The following ADGRL2 variants were observed in gnomAD, a reference collection of about 807,000 sequenced individuals.
The protein encoded by ADGRL2 is calcium-independent alpha-latrotoxin receptor 2.
In ADGRL2, 44 loss-of-function variants were observed where a neutral mutation model predicts 157.4. The ratio of observed to expected loss-of-function variants is 0.28; its 90% CI spans 0.22 to 0.36. The LOEUF (loss-of-function observed/expected upper bound fraction) is 0.36, where lower values mean the gene tolerates loss of function less well. ADGRL2 is among the 10% of genes least tolerant of loss of function. ADGRL2 has a pLI of 1.00. For missense variants in ADGRL2, 1,510 were observed against 1,768.9 expected, an observed-to-expected ratio of 0.85 and a Z score of 2.63; for synonymous variants, 585 against 624.7, an observed-to-expected ratio of 0.94 and a Z score of 0.95.
At chr1:81,690,782 G>A (rs960031079) in intron 3 of ADGRL2, among the ~76,000 whole-genome samples, 1 of 152,100 alleles carries the variant, frequency 6.6e-6, no homozygotes, top group Non-Finnish European at 1.5e-5. Context: ...AAGTTATAGA[G>A]TAAAATGTCA....
intron 2 of ADGRL2, among the ~76,000 whole-genome samples, chr1:81,765,463 AACAG>A (rs1227184308): frequency 6.6e-6 from 1 of 152,044 alleles, no homozygotes; most frequent in African/African-American, 2.4e-5. Flanking sequence ...AATTTAACCA[AACAG>A]ACAAAGTTCT....
At chr1:81,785,113 T>C (rs1026573026) in intron 2 of ADGRL2, among the ~76,000 whole-genome samples, 4 of 152,182 alleles carry the variant, frequency 2.6e-5, no homozygotes, top group African/African-American at 9.7e-5. Flanking sequence ...GTACAGGGAA[T>C]TATTTGTGAT....
At chr1:81,860,118 G>C (rs1379115190) in intron 2 of ADGRL2, among the ~76,000 whole-genome samples, 1 of 152,046 alleles carries the variant, frequency 6.6e-6, no homozygotes, top group African/African-American at 2.4e-5. Flanking sequence ...CAGCTACTCA[G>C]GAGGCTGAGG....
chr1:81,353,225 A>AGTG (rs1165047842), intron 1 of ADGRL2, among the ~76,000 whole-genome samples: 20 of 152,284 alleles, frequency 1.3e-4, no homozygotes, highest in Non-Finnish European at 2.1e-4. Context: ...ATGAGACTGC[A>AGTG]TTGCCATGAA....
intron 1 of ADGRL2, among the ~76,000 whole-genome samples, chr1:81,373,760 A>G (rs2076200086): frequency 6.6e-6 from 1 of 152,198 alleles, no homozygotes; most frequent in South Asian, 2.1e-4. Flanking sequence ...TTAACCTTAA[A>G]TGTTTGTTTT....
chr1:81,925,051 ACT>A (rs1378004331), intron 3 of ADGRL2, among the ~76,000 whole-genome samples: 1 of 152,128 alleles, frequency 6.6e-6, no homozygotes, highest in Non-Finnish European at 1.5e-5. Context: ...ATGAGGGTAT[ACT>A]CTCTATAAGT....
intron 3 of ADGRL2, among the ~76,000 whole-genome samples, chr1:81,921,915 C>G (rs1317349607): frequency 6.6e-6 from 1 of 152,068 alleles, no homozygotes; most frequent in Non-Finnish European, 1.5e-5. Flanking sequence ...GCCAAACACT[C>G]TAACAGTATT....
Position 81,977,451 on chromosome 1 carries a change from T to G in ADGRL2, c.3022-2418T>G, listed in dbSNP as rs143663998. On this transcript the variant is annotated intron_variant, in intron 17 of 23. Transcript: ENST00000686636. ...GAATGACTTTATCATACTTAAGTCT[T>G]GATTGTATTTTTATATTGGTAGATT... Among the ~76,000 whole-genome samples the G allele has an allele frequency of 8.5e-3, 1,295 of 151,894 alleles. 13 individuals carry two copies. Among genetic ancestry groups the G allele is most frequent in the African/African-American group, 0.03 (1,233 of 41,512 alleles).
chr1:81,426,856 G>A, intron 1 of ADGRL2: 1 of 587,204 alleles, frequency 1.7e-6, no homozygotes, highest in Non-Finnish European at 3.2e-6. Context: ...TGGTATTAAA[G>A]AAGATACAGA....
intron 21 of ADGRL2, among the ~76,000 whole-genome samples, chr1:81,986,086 C>T (rs1663061216): frequency 6.6e-6 from 1 of 152,030 alleles, no homozygotes; most frequent in South Asian, 2.1e-4. Context: ...GGTAGCAATA[C>T]TAACCTGAAT....
At chr1:81,662,241 T>C (rs1391339993) in intron 3 of ADGRL2, among the ~76,000 whole-genome samples, 1 of 149,230 alleles carries the variant, frequency 6.7e-6, no homozygotes, top group Non-Finnish European at 1.5e-5. Context: ...AAATAGTAGG[T>C]CTCATTCATT....
chr1:81,920,086 T>C (rs1453244454), intron 3 of ADGRL2, among the ~76,000 whole-genome samples: 1 of 152,174 alleles, frequency 6.6e-6, no homozygotes, highest in Non-Finnish European at 1.5e-5. Flanking sequence ...GTTAGCCAAA[T>C]AGCCGAGAGG....
intron 2 of ADGRL2, among the ~76,000 whole-genome samples, chr1:81,496,426 T>C (rs1270988907): frequency 1.3e-5 from 2 of 152,098 alleles, no homozygotes; most frequent in Non-Finnish European, 2.9e-5. Context: ...AAAGACACTA[T>C]GACTGTTCTG....
At chr1:81,810,400 T>G (rs2089712298) in intron 1 of ADGRL2, among the ~76,000 whole-genome samples, 1 of 68,334 alleles carries the variant, frequency 1.5e-5, no homozygotes, top group Admixed American at 1.9e-4. Flanking sequence ...GTGGAATTAT[T>G]ACTCCTTTAT....
chr1:81,429,953 G>T (rs751041587), intron 1 of ADGRL2, among the ~76,000 whole-genome samples: 1 of 152,154 alleles, frequency 6.6e-6, no homozygotes, highest in African/African-American at 2.4e-5. Context: ...GAGGGCAATG[G>T]CGCGATCTTG....
In ADGRL2 at chr1:81,341,049, T is replaced by C. The variant is rs148689141; in HGVS notation, c.-302+34540T>C. ...TTTGAAACCTATCACATGTCTAAGGTAATCGACGGTTACAAAGAATGGTGG... is the reference window on the plus strand; with the variant it reads ...TTTGAAACCTATCACATGTCTAAGGCAATCGACGGTTACAAAGAATGGTGG... On this transcript the variant is annotated intron_variant, in intron 1 of 24. Coordinates refer to the ADGRL2 transcript ENST00000370721. Among the ~76,000 whole-genome samples the C allele has an allele frequency of 5.3e-5, 8 of 152,264 alleles. No homozygotes were observed. The East Asian group carries it at 1.5e-3, about 29-fold the overall frequency.
chr1:81,935,792 CA>C (rs3838456), intron 3 of ADGRL2, among the ~76,000 whole-genome samples: 26,822 of 151,536 alleles, frequency 0.18, 3,122 homozygotes, highest in East Asian at 0.63. Flanking sequence ...CTTGCCTTTA[CA>C]AAAGTTATGA....
chr1:81,906,433 C>T (rs1369533207), intron 2 of ADGRL2, among the ~76,000 whole-genome samples: 2 of 152,200 alleles, frequency 1.3e-5, no homozygotes, highest in Admixed American at 6.5e-5. Context: ...TTTGAATGTC[C>T]ATCTGCTGAT....
intron 1 of ADGRL2, among the ~76,000 whole-genome samples, chr1:81,337,996 A>AAT (rs1357214221): frequency 1.3e-5 from 2 of 152,154 alleles, no homozygotes; most frequent in South Asian, 2.1e-4. Context: ...GTAGAACAGT[A>AAT]ATATATATAT....
Sources: allele counts gnomAD v4.1 joint callset (sites outside exome capture counted in the v4.1 genomes callset), GRCh38; gene constraint gnomAD v4.1.1; transcripts MANE v1.5; gene names NCBI Gene and HGNC (gene_info 2026-07-23, HGNC 2026-07-21).